The following GRIN2A variants were observed in gnomAD, a reference collection of about 807,000 sequenced individuals.
GRIN2A encodes the protein glutamate ionotropic receptor NMDA type subunit 2A.
In GRIN2A, 22 loss-of-function variants were observed where a neutral mutation model predicts 113.4. The ratio of observed to expected loss-of-function variants is 0.19; its 90% CI spans 0.14 to 0.28. The LOEUF is 0.28. Among genes scored for constraint, GRIN2A ranks in the 10% least tolerant of loss-of-function variants. The probability of loss-of-function intolerance (pLI) is 1.00; values close to 1 mark genes in which losing one functional copy is unlikely to be tolerated. For synonymous variants in GRIN2A, 827 were observed against 738.4 expected (o/e 1.12, Z -1.94); for missense variants, 1,502 against 1,887.0 (o/e 0.80, Z 3.78).
intron 2 of GRIN2A, among the ~76,000 whole-genome samples, chr16:10,086,265 G>C (rs549190942): frequency 2.7e-4 from 41 of 152,262 alleles, no homozygotes; most frequent in Admixed American, 3.3e-4. Flanking sequence ...GTACATCAAA[G>C]CTAGGGTGCC....
intron 4 of GRIN2A, among the ~76,000 whole-genome samples, chr16:9,862,582 T>C (rs1263294610): frequency 6.6e-6 from 1 of 152,044 alleles, no homozygotes; most frequent in African/African-American, 2.4e-5. Flanking sequence ...TCTTCAGGAG[T>C]TCATGTATAA....
intron 2 of GRIN2A, among the ~76,000 whole-genome samples, chr16:10,134,768 CACTCCATCAG>C (rs1026778334): frequency 2.0e-5 from 3 of 152,182 alleles, no homozygotes; most frequent in Admixed American, 2.0e-4. Flanking sequence ...CATGGGGATT[CACTCCATCAG>C]ACAAAAAATG....
chr16:9,786,593 C>G (rs935825562), intron 11 of GRIN2A, among the ~76,000 whole-genome samples: 20 of 152,200 alleles, frequency 1.3e-4, no homozygotes, highest in Non-Finnish European at 2.9e-5. Flanking sequence ...TAAATCACAG[C>G]CTTGCCCCTT....
At chr16:10,018,752 A>T (rs1465126657) in intron 2 of GRIN2A, among the ~76,000 whole-genome samples, 1 of 152,168 alleles carries the variant, frequency 6.6e-6, no homozygotes, top group Non-Finnish European at 1.5e-5. Context: ...CATGAAGATG[A>T]GCAGGAAAGA....
At chr16:9,792,682 A>G (rs566660712) in intron 11 of GRIN2A, among the ~76,000 whole-genome samples, 2 of 151,766 alleles carry the variant, frequency 1.3e-5, no homozygotes, top group African/African-American at 2.4e-5. Context: ...TATGTGTTAA[A>G]TGACCTCAGA....
chr16:9,975,121 C>T (rs1477149133), intron 2 of GRIN2A, among the ~76,000 whole-genome samples: 1 of 151,996 alleles, frequency 6.6e-6, no homozygotes, highest in Non-Finnish European at 1.5e-5. Flanking sequence ...AATTCTGCAT[C>T]TATTGAGATG....
intron 2 of GRIN2A, among the ~76,000 whole-genome samples, chr16:9,985,046 A>G (rs11640899): frequency 0.042 from 6,443 of 152,156 alleles, 203 homozygotes; most frequent in Middle Eastern, 0.078. Context: ...ATGCGTGCAC[A>G]CACACACACA....
At chr16:9,773,240 G>T (rs1356303583) in intron 11 of GRIN2A, among the ~76,000 whole-genome samples, 1 of 152,200 alleles carries the variant, frequency 6.6e-6, no homozygotes, top group Non-Finnish European at 1.5e-5. Flanking sequence ...CATTGCAGAA[G>T]TGTTCAAATC....
At chr16:9,974,483 T>C (rs1343610447) in intron 2 of GRIN2A, among the ~76,000 whole-genome samples, 1 of 152,114 alleles carries the variant, frequency 6.6e-6, no homozygotes, top group Non-Finnish European at 1.5e-5. Context: ...ATCACGACCC[T>C]CTCACGTGGA....
At chr16:9,983,509 A>C (rs192959213) in intron 2 of GRIN2A, among the ~76,000 whole-genome samples, 1 of 147,766 alleles carries the variant, frequency 6.8e-6, no homozygotes, top group Non-Finnish European at 1.5e-5. Context: ...GCGTGATCTC[A>C]GCTCACTGCA....
chr16:9,955,756 G>C (rs2045292537), intron 2 of GRIN2A, among the ~76,000 whole-genome samples: 1 of 152,176 alleles, frequency 6.6e-6, no homozygotes, highest in Non-Finnish European at 1.5e-5. Flanking sequence ...TAGTTTACTG[G>C]CTTGTTTTGA....
intron 2 of GRIN2A, among the ~76,000 whole-genome samples, chr16:10,050,834 C>A (rs1385005856): frequency 6.6e-6 from 1 of 152,078 alleles, no homozygotes; most frequent in Non-Finnish European, 1.5e-5. Flanking sequence ...TGAGAGTTTA[C>A]AGAGGAGCAC....
chr16:10,102,501 A>G (rs2048419493), intron 2 of GRIN2A, among the ~76,000 whole-genome samples: 1 of 151,840 alleles, frequency 6.6e-6, no homozygotes, highest in South Asian at 2.1e-4. Flanking sequence ...TTCTTTACAA[A>G]TTACCTAATG....
intron 4 of GRIN2A, among the ~76,000 whole-genome samples, chr16:9,854,615 G>T (rs75006214): frequency 6.6e-6 from 1 of 152,110 alleles, no homozygotes; most frequent in African/African-American, 2.4e-5. Context: ...CACCTTGGAC[G>T]TGATGGTGAC....
chr16:9,807,530 T>C (rs1002321536), intron 10 of GRIN2A, among the ~76,000 whole-genome samples: 3 of 152,094 alleles, frequency 2.0e-5, no homozygotes, highest in Non-Finnish European at 2.9e-5. Flanking sequence ...TAGGGAAGGA[T>C]TGAAATGATT....
chr16:10,079,639 C>T (rs1375073), intron 2 of GRIN2A, among the ~76,000 whole-genome samples: 57,548 of 151,988 alleles, frequency 0.38, 11,243 homozygotes, highest in Non-Finnish European at 0.4. Flanking sequence ...ATGATGACAG[C>T]CATCTATGAA....
At chr16:10,054,400 A>T (rs1249126293) in intron 2 of GRIN2A, among the ~76,000 whole-genome samples, 1 of 152,226 alleles carries the variant, frequency 6.6e-6, no homozygotes, top group African/African-American at 2.4e-5. Context: ...TAATACAAAG[A>T]TTTAAAGAGA....
At chr16:9,955,839 A>G (rs557560403) in intron 2 of GRIN2A, among the ~76,000 whole-genome samples, 119 of 152,302 alleles carry the variant, frequency 7.8e-4, no homozygotes, top group African/African-American at 2.7e-3. Context: ...CGAGTAAGTC[A>G]TTTCTTTCAA....
Position 10,118,933 on chromosome 16 carries a change from G to A in GRIN2A, c.414+61065C>T, listed in dbSNP as rs1297731477. Among the ~76,000 whole-genome samples the A allele has an allele frequency of 5.3e-5, 8 of 152,124 alleles. No homozygotes were observed. In the East Asian group the frequency reaches 5.8e-4, roughly 11 times the overall value. ...AGGCCAGGACTCTTAAGAAAGGGGC[G>A]TGTTTTCTCCTCACTTATTTTTCTG... On this transcript the variant is annotated intron_variant, in intron 2 of 12. Transcript: ENST00000330684.
Sources: allele counts gnomAD v4.1 joint callset (sites outside exome capture counted in the v4.1 genomes callset), GRCh38; gene constraint gnomAD v4.1.1; transcripts MANE v1.5; gene names NCBI Gene and HGNC (gene_info 2026-07-23, HGNC 2026-07-21).